CIART: variants seen among roughly 807,000 people sequenced by gnomAD.
CIART encodes the protein circadian-associated transcriptional repressor.
In CIART, 7 loss-of-function variants were observed where a neutral mutation model predicts 22.1. That is an observed-to-expected ratio of 0.32 (90% CI 0.18 to 0.59). The LOEUF (loss-of-function observed/expected upper bound fraction) is 0.59. CIART is among the 20% of genes least tolerant of loss of function. The pLI is 0.86. For missense variants in CIART, 440 were observed against 478.0 expected (o/e 0.92, Z 0.74); for synonymous variants, 163 against 174.6 (o/e 0.93, Z 0.53).
rs142518963 is a variant in CIART, at chr1:150,283,515, G to A, written c.248G>A (p.Arg83Gln). 382 of 1,614,104 alleles carry A rather than the reference G, an allele frequency of 2.4e-4. No individual in the cohort carries two copies. Among genetic ancestry groups the A allele is most frequent in the Non-Finnish European group, 3.1e-4 (364 of 1,180,052 alleles). Reference protein sequence around the residue: ...NQHTPSHPKQRGSASPMAGSG... With the variant: ...NQHTPSHPKQQGSASPMAGSG... The stretch of plus-strand genomic sequence containing the variant: ...CATACACCATCTCATCCGAAACAGC[G>A]GGGTTCGGCTTCTCCTATGGCAGGA... The change falls in exon 1 of 5, where the codon CGG becomes CAG. Residue 83 changes from arginine (R) to glutamine (Q), a missense_variant. Coordinates refer to ENST00000290363, the MANE Select transcript of CIART (RefSeq NM_144697.4).
rs1003875642 is a variant in CIART, at chr1:150,286,963, A to C, written c.*9A>C. On this transcript the variant is annotated 3_prime_UTR_variant, in exon 5 of 5. Transcript: ENST00000290363. ...ATCTTCTCAACCTCTAGCCCAGGGC[A>C]TACAGCTGTCCACTGTGACTTCTAA... 3.3e-6 allele frequency: 5 copies of C among 1,537,982 alleles called. No homozygotes were observed. Among genetic ancestry groups the C allele is most frequent in the Non-Finnish European group, 2.6e-6 (3 of 1,140,388 alleles).
chr1:150,286,358 T>A, intron 4 of CIART, 72 bp from the exon 5 acceptor site: 2 of 1,372,698 alleles, frequency 1.5e-6, no homozygotes, highest in Admixed American at 1.9e-5. Context: ...ATGCAAAGGT[T>A]TAAGTAACCA....
chr1:150,285,529 T>TC (rs1653441340), intron 4 of CIART: 1 of 49,762 alleles, frequency 2.0e-5, no homozygotes, highest in African/African-American at 1.1e-4. Flanking sequence ...AGAGCGAAAC[T>TC]CCATCTAAAA....
In CIART at chr1:150,286,831, C is replaced by T; in HGVS notation, c.1035C>T (p.Asp345=). 3.7e-6 allele frequency: 6 copies of T among 1,613,608 alleles called. No homozygotes were observed. In the South Asian group the frequency reaches 4.4e-5, roughly 12 times the overall value. ...CYSLPVTLPS[D]WSYTLSPPSL... ...GTTTGCCAGTAACTCTGCCATCAGACTGGAGCTATACCCTATCCCCTCCCA... is the reference window on the plus strand; with the variant it reads ...GTTTGCCAGTAACTCTGCCATCAGATTGGAGCTATACCCTATCCCCTCCCA... The change falls in exon 5 of 5, where the codon GAC becomes GAT. Residue 345 remains aspartate, a synonymous_variant. Coordinates refer to ENST00000290363, the MANE Select transcript of CIART (RefSeq NM_144697.4).
Position 150,283,246 on chromosome 1 carries a change from T to C in CIART, c.-22T>C. On this transcript the variant is annotated 5_prime_UTR_variant, in exon 1 of 5. Transcript: ENST00000290363. ...TCTTTGGGTACTCCAGGAGCTGTTCTATAGCCCCTGCTTCTGGACCTATGG... is the reference window on the plus strand; with the variant it reads ...TCTTTGGGTACTCCAGGAGCTGTTCCATAGCCCCTGCTTCTGGACCTATGG... 6.6e-7 allele frequency: 1 copy of C among 1,510,684 alleles called. No individual in the cohort carries two copies. The highest frequency in any genetic ancestry group is 8.9e-7 in the Non-Finnish European group (1 of 1,129,774). 93.6% of individuals were successfully genotyped at this position (1,510,684 alleles called of 1,614,324 possible).
At chr1:150,283,916 ATTTCTC>A (rs782768212) in intron 2 of CIART, 36 bp downstream of exon 2, 1 of 1,473,416 alleles carries the variant, frequency 6.8e-7, no homozygotes, top group East Asian at 2.3e-5. Flanking sequence ...GGCTAGGTTC[ATTTCTC>A]TTTCTCTTTC....
In CIART at chr1:150,286,652, A is replaced by G; in HGVS notation, c.856A>G (p.Thr286Ala). ...TISFSHGPLG[T>A]GTGIGVILFL... ...CTCCTTTAGCCATGGTCCTTTAGGC[A>G]CTGGAACCGGCATTGGCGTCATTCT... The change falls in exon 5 of 5, where the codon ACT (threonine) becomes GCT (alanine). Residue 286 changes from threonine to alanine, a missense_variant. By Grantham distance (58) the Thr-to-Ala change is moderately conservative (BLOSUM62 0). Coordinates refer to ENST00000290363, the MANE Select transcript of CIART (RefSeq NM_144697.4). 1.2e-6 allele frequency: 2 copies of G among 1,614,022 alleles called. No homozygotes were observed. The highest frequency in any genetic ancestry group is 1.7e-6 in the Non-Finnish European group (2 of 1,179,920).
chr1:150,283,935 T>A (rs1653311551), intron 2 of CIART, 55 bp downstream of exon 2: 1 of 1,368,672 alleles, frequency 7.3e-7, no homozygotes, highest in African/African-American at 1.4e-5. Context: ...TCTCTTTCCC[T>A]CTTTTGACGT....
chr1:150,283,840 A>C lies in CIART; in HGVS notation c.402A>C (p.Thr134=), dbSNP rs1653305468. ...TCCAAGGATTTATACCTCCTCTCAC[A>C]GACCTACTCAATGGGCTGAAGATGG... ...KELQGFIPPL[T]DLLNGLKMGR... is the part of the protein sequence containing the mutation. Residue 134 remains threonine (T), a synonymous_variant, in exon 2 of 5, where the codon ACA becomes ACC. Coordinates refer to ENST00000290363, the MANE Select transcript of CIART (RefSeq NM_144697.4). The C allele has an allele frequency of 5.0e-6, 8 of 1,596,294 alleles. No homozygotes were observed. The highest frequency in any genetic ancestry group is 6.9e-6 in the Non-Finnish European group (8 of 1,164,236).
At chr1:150,284,895 T>C in intron 4 of CIART, 187 bp downstream of exon 4, 1 of 604,836 alleles carries the variant, frequency 1.7e-6, no homozygotes, top group Non-Finnish European at 2.9e-6. Context: ...GTTGTTGTTG[T>C]TGTTTTGTTT....
In CIART at chr1:150,284,515, C is replaced by CT. The variant is rs782093180; in HGVS notation, c.521+12dup. 3 of 1,605,076 alleles carry CT rather than the reference C, an allele frequency of 1.9e-6. No individual in the cohort carries two copies. The Admixed American group carries it at 5.0e-5, about 27-fold the overall frequency. ...GAAGCCACAGATGGGGTAAGTCCCGCTGGTTCTTTGCTTGGGTCTTCATAA... is the reference window on the plus strand; with the variant it reads ...GAAGCCACAGATGGGGTAAGTCCCGCTTGGTTCTTTGCTTGGGTCTTCATAA... On this transcript the variant is annotated intron_variant, in intron 3 of 4. Transcript: ENST00000290363.
rs587728810 is a variant in CIART, at chr1:150,283,135, G to A, written c.-133G>A. 34 of 956,140 alleles carry A rather than the reference G, an allele frequency of 3.6e-5. No homozygotes were observed. The African/African-American group carries it at 5.1e-4, about 14-fold the overall frequency. 59.2% of individuals were successfully genotyped at this position (956,140 alleles called of 1,614,324 possible). On this transcript the variant is annotated 5_prime_UTR_variant, in exon 1 of 5. Transcript: ENST00000290363. Reference sequence around the variant, plus strand: ...GGGAGAACAAGTATTATCCCACGCAGTACACCCCAATCTCCCAGTTCATTT... The same window carrying A: ...GGGAGAACAAGTATTATCCCACGCAATACACCCCAATCTCCCAGTTCATTT...
rs199561723 is a variant in CIART, at chr1:150,283,374, G to A, written c.107G>A (p.Arg36Lys). ...SDFGFPSDSE[R>K]EDKGAHGPRP... ...TTTGGCTTCCCCTCTGATAGTGAGA[G>A]GGAGGACAAGGGGGCCCATGGGCCC... The change falls in exon 1 of 5, where the codon AGG becomes AAG. Residue 36 changes from arginine to lysine, a missense_variant. Transcript: ENST00000290363. 5 of 1,602,330 alleles carry A rather than the reference G, an allele frequency of 3.1e-6. No individual in the cohort carries two copies. Among genetic ancestry groups the A allele is most frequent in the African/African-American group, 1.3e-5 (1 of 74,608 alleles).
At chr1:150,283,663 C>T (rs782396736) in intron 1 of CIART, 30 bp downstream of exon 1, 5 of 1,608,724 alleles carry the variant, frequency 3.1e-6, no homozygotes, top group Non-Finnish European at 4.3e-6. Flanking sequence ...AGGAGATTCT[C>T]CTGGAGTGCC....
Position 150,286,644 on chromosome 1 carries a change from C to T in CIART, c.848C>T (p.Pro283Leu). ...GGTACTATCTCCTTTAGCCATGGTCCTTTAGGCACTGGAACCGGCATTGGC... is the reference window on the plus strand; with the variant it reads ...GGTACTATCTCCTTTAGCCATGGTCTTTTAGGCACTGGAACCGGCATTGGC... ...SPGTISFSHGPLGTGTGIGVI... is the reference protein window; with the variant it reads ...SPGTISFSHGLLGTGTGIGVI... The change falls in exon 5 of 5, where the codon CCT becomes CTT. Residue 283 changes from proline to leucine, a missense_variant. Pro to Leu is a moderately conservative substitution (Grantham distance 98, BLOSUM62 -3). Transcript: ENST00000290363. 1 of 1,613,900 alleles carries T rather than the reference C, an allele frequency of 6.2e-7. No homozygotes were observed. The highest frequency in any genetic ancestry group is 1.1e-5 in the South Asian group (1 of 91,082).
At chr1:150,286,344 A>C in intron 4 of CIART, 86 bp from the exon 5 acceptor site, 3 of 1,240,430 alleles carry the variant, frequency 2.4e-6, no homozygotes, top group Non-Finnish European at 3.4e-6. Flanking sequence ...TGAGTTCCCA[A>C]GGAATGCAAA....
At position 150,283,448 on chromosome 1, in the gene CIART, C is replaced by A; in HGVS notation, c.181C>A (p.Pro61Thr). 2.5e-6 allele frequency: 4 copies of A among 1,614,208 alleles called. No individual in the cohort carries two copies. In the South Asian group the frequency reaches 4.4e-5, roughly 18 times the overall value. Residue 61 changes from proline to threonine, a missense_variant, in exon 1 of 5, where the codon CCT becomes ACT. Pro to Thr is a conservative substitution (Grantham distance 38). Transcript: ENST00000290363. Reference sequence around the variant, plus strand: ...GGGAGGTTCACGGCCCAGCCCGGGTCCTATCCGCTGCAGGCATCGATCGAA... The same window carrying A: ...GGGAGGTTCACGGCCCAGCCCGGGTACTATCCGCTGCAGGCATCGATCGAA... ...QRGGSRPSPGPIRCRHRSKVS... is the reference protein window; with the variant it reads ...QRGGSRPSPGTIRCRHRSKVS...
Position 150,286,514 on chromosome 1 carries a change from C to A in CIART, c.718C>A (p.Leu240Ile). Residue 240 changes from leucine (L) to isoleucine (I), a missense_variant, in exon 5 of 5, where the codon CTA becomes ATA. Coordinates refer to ENST00000290363, the MANE Select transcript of CIART (RefSeq NM_144697.4). ...EKMDQTQLGHLALKPKQPWHL... is the reference protein window; with the variant it reads ...EKMDQTQLGHIALKPKQPWHL... ...GATGGACCAGACACAGCTAGGACAT[C>A]TAGCTTTAAAACCAAAGCAGCCTTG... The A allele has an allele frequency of 6.3e-7, 1 of 1,588,466 alleles. No individual in the cohort carries two copies. The highest frequency in any genetic ancestry group is 2.2e-5 in the East Asian group (1 of 44,748).
Position 150,283,593 on chromosome 1 carries a change from A to G in CIART, c.326A>G (p.Gln109Arg), listed in dbSNP as rs1653287849. ...DGELETSLNT[Q>R]GCTTEGDLLF... is the part of the protein sequence containing the mutation. Reference sequence around the variant, plus strand: ...GAACTGGAGACCAGTCTAAACACCCAAGGTTGTACCACAGAGGGAGACCTG... The same window carrying G: ...GAACTGGAGACCAGTCTAAACACCCGAGGTTGTACCACAGAGGGAGACCTG... Residue 109 changes from glutamine (Q) to arginine (R), a missense_variant, in exon 1 of 5, where the codon CAA becomes CGA. Transcript: ENST00000290363. 6.2e-7 allele frequency: 1 copy of G among 1,613,822 alleles called. No homozygotes were observed. The highest frequency in any genetic ancestry group is 1.3e-5 in the African/African-American group (1 of 74,934).
Sources: allele counts gnomAD v4.1 joint callset, GRCh38; gene constraint gnomAD v4.1.1; transcripts MANE v1.5; gene names NCBI Gene and HGNC (gene_info 2026-07-23, HGNC 2026-07-21).